Variants in NEGR1 observed in about 807,000 individuals in gnomAD.
NEGR1 encodes the protein IgLON family member 4.
Under a neutral mutation model 40.9 loss-of-function variants are expected in NEGR1, and 10 were observed. The observed-to-expected ratio is 0.24, with a 90% CI of 0.15 to 0.42. NEGR1 has a LOEUF of 0.42. NEGR1 is among the 10% of genes least tolerant of loss of function. The pLI is 1.00. For synonymous variants in NEGR1, 185 were observed against 166.8 expected, an observed-to-expected ratio of 1.11 and a Z score of -0.84; for missense variants, 352 against 438.9, an observed-to-expected ratio of 0.80 and a Z score of 1.77.
chr1:72,208,670 C>T (rs556617188), intron 1 of NEGR1, among the ~76,000 whole-genome samples: 28 of 151,532 alleles, frequency 1.8e-4, no homozygotes, highest in African/African-American at 5.8e-4. Context: ...TTTTTCTCTA[C>T]GGTCTACACT....
At chr1:72,138,649 G>A (rs1332671927) in intron 1 of NEGR1, among the ~76,000 whole-genome samples, 2 of 151,972 alleles carry the variant, frequency 1.3e-5, no homozygotes, top group African/African-American at 4.8e-5. Context: ...TAACTATAAA[G>A]TGGCCAATTA....
At chr1:71,608,245 A>G (rs965809518) in intron 5 of NEGR1, among the ~76,000 whole-genome samples, 10 of 152,204 alleles carry the variant, frequency 6.6e-5, no homozygotes, top group African/African-American at 2.4e-4. Flanking sequence ...GCCTTTCACA[A>G]GTGCATTTGA....
At chr1:71,675,067 T>C (rs897414719) in intron 4 of NEGR1, among the ~76,000 whole-genome samples, 38 of 139,654 alleles carry the variant, frequency 2.7e-4, no homozygotes, top group African/African-American at 9.5e-4. Flanking sequence ...GTATGTGATC[T>C]ATATATGTGA....
At chr1:72,191,052 ACT>A (rs890477290) in intron 1 of NEGR1, among the ~76,000 whole-genome samples, 19 of 151,606 alleles carry the variant, frequency 1.3e-4, no homozygotes, top group Non-Finnish European at 2.1e-4. Flanking sequence ...TAAAAGTTTT[ACT>A]TATAGTAAAG....
At chr1:71,535,983 G>C (rs1437571252) in intron 6 of NEGR1, among the ~76,000 whole-genome samples, 1 of 151,666 alleles carries the variant, frequency 6.6e-6, no homozygotes, top group Non-Finnish European at 1.5e-5. Context: ...AAGTGAGAGT[G>C]AGTAAATGTA....
At chr1:71,863,402 C>T (rs1479725863) in intron 2 of NEGR1, among the ~76,000 whole-genome samples, 1 of 152,002 alleles carries the variant, frequency 6.6e-6, no homozygotes, top group African/African-American at 2.4e-5. Flanking sequence ...CTGATGAGAA[C>T]ACATGGACAT....
chr1:71,454,579 C>T (rs967781082), intron 6 of NEGR1, among the ~76,000 whole-genome samples: 3 of 152,108 alleles, frequency 2.0e-5, no homozygotes, highest in African/African-American at 7.2e-5. Context: ...TTACCTTCCA[C>T]TCTTACAATG....
At chr1:72,183,881 T>A (rs910666060) in intron 1 of NEGR1, among the ~76,000 whole-genome samples, 1 of 152,120 alleles carries the variant, frequency 6.6e-6, no homozygotes, top group African/African-American at 2.4e-5. Context: ...GAGTAATATT[T>A]TTTTAATGGA....
At chr1:71,878,924 T>C (rs1262661514) in intron 2 of NEGR1, among the ~76,000 whole-genome samples, 5 of 152,006 alleles carry the variant, frequency 3.3e-5, no homozygotes, top group Non-Finnish European at 7.4e-5. Flanking sequence ...AGCTTAAAAA[T>C]AGCAACAAGG....
intron 6 of NEGR1, among the ~76,000 whole-genome samples, chr1:71,491,885 T>C (rs1382233143): frequency 6.6e-5 from 10 of 152,148 alleles, no homozygotes; most frequent in African/African-American, 2.4e-4. Context: ...AAAATTTATA[T>C]GCTGAAACCT....
intron 1 of NEGR1, among the ~76,000 whole-genome samples, chr1:72,209,252 T>C (rs1020311769): frequency 6.6e-6 from 1 of 151,660 alleles, no homozygotes; most frequent in Admixed American, 6.6e-5. Flanking sequence ...GATACAAATG[T>C]TTCTATGAAC....
At chr1:71,964,729 A>C (rs79661922) in intron 1 of NEGR1, among the ~76,000 whole-genome samples, 1 of 152,164 alleles carries the variant, frequency 6.6e-6, no homozygotes, top group Non-Finnish European at 1.5e-5. Context: ...ATGCAGTAAT[A>C]TCAATGAACA....
chr1:71,719,088 G>A (rs979252769), intron 3 of NEGR1, among the ~76,000 whole-genome samples: 12 of 152,256 alleles, frequency 7.9e-5, no homozygotes, highest in African/African-American at 2.9e-4. Flanking sequence ...GTCACTCTCT[G>A]GGGAAAGAGT....
intron 2 of NEGR1, among the ~76,000 whole-genome samples, chr1:71,934,208 GA>G: frequency 6.6e-6 from 1 of 151,996 alleles, no homozygotes; most frequent in East Asian, 1.9e-4. Context: ...AAAGCAGAAA[GA>G]AATAATGTAA....
intron 1 of NEGR1, among the ~76,000 whole-genome samples, chr1:71,999,680 C>T (rs11209885): frequency 0.33 from 9,716 of 29,216 alleles, 1,119 homozygotes; most frequent in African/African-American, 0.41. Flanking sequence ...TATATATATA[C>T]ATACATATTT....
chr1:71,894,576 T>A (rs974512857), intron 2 of NEGR1, among the ~76,000 whole-genome samples: 4 of 152,192 alleles, frequency 2.6e-5, no homozygotes, highest in Non-Finnish European at 5.9e-5. Context: ...TAAGTAACTA[T>A]TAAAATACTG....
intron 2 of NEGR1, among the ~76,000 whole-genome samples, chr1:71,883,740 G>T (rs367704286): frequency 2.1e-5 from 2 of 93,580 alleles, no homozygotes; most frequent in Admixed American, 3.3e-4. Flanking sequence ...CCCACCCCAC[G>T]ACAGGCCCTG....
intron 1 of NEGR1, among the ~76,000 whole-genome samples, chr1:72,245,863 C>T (rs1050181875): frequency 4.6e-5 from 7 of 152,036 alleles, no homozygotes; most frequent in Non-Finnish European, 8.8e-5. Context: ...CAATCTAGTA[C>T]TCTTAACAAA....
chr1:71,808,376 T>G (rs1210192932), intron 2 of NEGR1, among the ~76,000 whole-genome samples: 3 of 152,202 alleles, frequency 2.0e-5, no homozygotes, highest in Non-Finnish European at 2.9e-5. Context: ...ATGGTGGAGA[T>G]GAAAACAAAT....
Sources: gnomAD v4.1 joint callset for allele counts (sites outside exome capture counted in the v4.1 genomes callset) on GRCh38, gnomAD v4.1.1 for gene constraint, MANE v1.5 for transcripts, NCBI Gene and HGNC (gene_info 2026-07-23, HGNC 2026-07-21) for gene names.